TTC6: variants seen among roughly 807,000 people sequenced by gnomAD.
TTC6 encodes tetratricopeptide repeat domain 6, also known as tetratricopeptide repeat protein 6.
TTC6 carries 172 observed loss-of-function variants against 210.4 expected under a neutral mutation model. The observed-to-expected ratio is 0.82, with a 90% confidence interval of 0.72 to 0.93. TTC6 has a LOEUF of 0.93. TTC6 is among the 40% of genes least tolerant of loss of function. TTC6 has a pLI of 0.00. For synonymous variants in TTC6, 804 were observed against 819.6 expected (o/e 0.98, Z 0.32); for missense variants, 2,414 against 2,318.1 (o/e 1.04, Z -0.85).
chr14:37,693,896 C>A lies in TTC6; in HGVS notation c.1258-2821C>A, dbSNP rs139870441. Among the ~76,000 whole-genome samples, 384 of 152,050 alleles carry A rather than the reference C, an allele frequency of 2.5e-3. 2 individuals are homozygous for A. The highest frequency in any genetic ancestry group is 8.8e-3 in the African/African-American group (367 of 41,486). On this transcript the variant is annotated intron_variant, in intron 3 of 30. Transcript: ENST00000553443. ...CCATATGCAGAAGAATGAATCTAGA[C>A]CCCTATGTCTCACCATAGACAAAAT...
intron 7 of TTC6, among the ~76,000 whole-genome samples, chr14:37,725,312 GTATATATATATATATA>G (rs1169644241): frequency 1.1e-3 from 37 of 33,916 alleles, no homozygotes; most frequent in South Asian, 5.6e-3. Flanking sequence ...GTGTGTGTGT[GTATATATATATATATA>G]TATATATATA....
At chr14:37,815,346 C>T (rs1264267819) in intron 25 of TTC6, among the ~76,000 whole-genome samples, 3 of 152,134 alleles carry the variant, frequency 2.0e-5, no homozygotes, top group Admixed American at 2.0e-4. Context: ...ATTCAGGCGT[C>T]AGGGTGGCGG....
chr14:37,657,205 T>A, intron 1 of TTC6, among the ~76,000 whole-genome samples: 1 of 103,594 alleles, frequency 9.7e-6, no homozygotes, highest in Admixed American at 1.3e-4. Flanking sequence ...TGAGCGAAAC[T>A]CTGTCTCAAA....
chr14:37,831,678 G>T (rs547672835), intron 29 of TTC6, among the ~76,000 whole-genome samples: 1 of 151,636 alleles, frequency 6.6e-6, no homozygotes, highest in African/African-American at 2.4e-5. Context: ...TTGTGGTTTT[G>T]ATTTGTACTT....
chr14:37,705,407 A>T (rs1235674601), intron 5 of TTC6, among the ~76,000 whole-genome samples: 2 of 152,174 alleles, frequency 1.3e-5, no homozygotes, highest in Non-Finnish European at 2.9e-5. Flanking sequence ...AAAATGAAAA[A>T]CAATTACTCA....
intron 1 of TTC6, among the ~76,000 whole-genome samples, chr14:37,630,907 G>GTTTTTTTTTTTTTTTTGTTT (rs2095668348): frequency 3.0e-5 from 1 of 33,064 alleles, no homozygotes; most frequent in African/African-American, 1.4e-4. Context: ...GGCAACCCCT[G>GTTTTTTTTTTTTTTTTGTTT]TTTTTTTTTT....
At chr14:37,824,268 G>A (rs545589336) in intron 27 of TTC6, among the ~76,000 whole-genome samples, 54 of 152,182 alleles carry the variant, frequency 3.5e-4, no homozygotes, top group Middle Eastern at 3.4e-3. Flanking sequence ...TTTGCCTGAT[G>A]AAGTTCATCT....
chr14:37,725,295 T>G (rs1227316390), intron 7 of TTC6, among the ~76,000 whole-genome samples: 99 of 72,778 alleles, frequency 1.4e-3, no homozygotes, highest in Non-Finnish European at 2.6e-3. Context: ...TATATATGTA[T>G]GTATGTGTGT....
chr14:37,763,302 T>C (rs112506799), intron 14 of TTC6, among the ~76,000 whole-genome samples: 4 of 152,328 alleles, frequency 2.6e-5, no homozygotes, highest in African/African-American at 9.6e-5. Flanking sequence ...TTTGTCTGGC[T>C]TTAATAACAG....
chr14:37,725,326 AT>A (rs2095870207), intron 7 of TTC6, among the ~76,000 whole-genome samples: 1 of 85,620 alleles, frequency 1.2e-5, no homozygotes, highest in African/African-American at 4.0e-5. Context: ...ATATATATAT[AT>A]ATATATATAT....
At chr14:37,824,194 C>T (rs1175998057) in intron 27 of TTC6, among the ~76,000 whole-genome samples, 1 of 152,146 alleles carries the variant, frequency 6.6e-6, no homozygotes, top group East Asian at 1.9e-4. Context: ...TCTTTTGAAC[C>T]TGAGCTTCCT....
intron 29 of TTC6, among the ~76,000 whole-genome samples, chr14:37,835,661 G>A (rs1343980958): frequency 6.6e-6 from 1 of 152,160 alleles, no homozygotes; most frequent in Admixed American, 6.6e-5. Flanking sequence ...GGTGAAGAAA[G>A]AAAGACAAGA....
chr14:37,716,756 C>A (rs1566906848), intron 6 of TTC6, among the ~76,000 whole-genome samples: 1 of 152,054 alleles, frequency 6.6e-6, no homozygotes, highest in African/African-American at 2.4e-5. Context: ...ATTTCTCTCT[C>A]AAAAATTCAT....
exon 1 of TTC6, chr14:37,622,927 C>T (rs2095654253): frequency 2.6e-6 from 4 of 1,533,492 alleles, no homozygotes; most frequent in Non-Finnish European, 3.5e-6. Flanking sequence ...CAGTCCGAGG[C>T]CCAGCTGGCC....
chr14:37,833,075 G>A (rs1049640127), intron 29 of TTC6, among the ~76,000 whole-genome samples: 12 of 136,234 alleles, frequency 8.8e-5, no homozygotes, highest in African/African-American at 3.2e-4. Context: ...AAAAAAGAAT[G>A]AGTATTCTGC....
At chr14:37,729,942 G>C (rs1398624502) in intron 7 of TTC6, among the ~76,000 whole-genome samples, 1 of 152,168 alleles carries the variant, frequency 6.6e-6, no homozygotes, top group Non-Finnish European at 1.5e-5. Flanking sequence ...GGAAGAATTA[G>C]TGAGAACTGG....
At chr14:37,784,968 G>A (rs1037324231) in intron 14 of TTC6, among the ~76,000 whole-genome samples, 6 of 152,204 alleles carry the variant, frequency 3.9e-5, no homozygotes, top group Admixed American at 3.9e-4. Flanking sequence ...CTTCTGGCTT[G>A]TAGAGTTTCT....
Position 37,819,037 on chromosome 14 carries a change from G to C in TTC6, c.4763+1386G>C, listed in dbSNP as rs1037625553. 2.0e-5 allele frequency among the ~76,000 whole-genome samples: 3 copies of C among 152,074 alleles called. No homozygotes were observed. The East Asian group carries it at 5.8e-4, about 29-fold the overall frequency. The stretch of plus-strand genomic sequence containing the variant: ...CTCTTTTATGAAATGTAATCACTGG[G>C]TATATACAGGAGAGCCTCCTTAAGC... On this transcript the variant is annotated intron_variant, in intron 26 of 30. Coordinates refer to ENST00000553443, the Ensembl canonical transcript of TTC6.
intron 10 of TTC6, among the ~76,000 whole-genome samples, chr14:37,740,650 A>G (rs536101541): frequency 3.3e-5 from 5 of 152,364 alleles, no homozygotes; most frequent in Admixed American, 2.6e-4. Context: ...ATGCCATTCA[A>G]GTCTCGTGTT....
Sources: allele counts gnomAD v4.1 joint callset (sites outside exome capture counted in the v4.1 genomes callset), GRCh38; gene constraint gnomAD v4.1.1; transcripts MANE v1.5; gene names NCBI Gene and HGNC (gene_info 2026-07-23, HGNC 2026-07-21).